Variants in GRIA4 observed in about 807,000 individuals in gnomAD.
GRIA4 encodes the protein glutamate ionotropic receptor AMPA type subunit 4, also known as glutamate receptor 4.
Under a neutral mutation model 104.0 loss-of-function variants are expected in GRIA4, and 34 were observed. The ratio of observed to expected loss-of-function variants is 0.33; its 90% CI spans 0.25 to 0.44. GRIA4 has a LOEUF of 0.44. Ranked by LOEUF, GRIA4 falls within the 20% of genes least tolerant of loss-of-function variation. The probability of loss-of-function intolerance (pLI) is 1.00; values close to 1 mark genes in which losing one functional copy is unlikely to be tolerated. For missense variants in GRIA4, 750 were observed against 1,096.5 expected (o/e 0.68, Z 4.46); for synonymous variants, 386 against 381.9 (o/e 1.01, Z -0.13).
intron 5 of GRIA4, among the ~76,000 whole-genome samples, chr11:105,875,326 A>T (rs590414): frequency 0.49 from 73,949 of 151,948 alleles, 17,990 homozygotes; most frequent in Admixed American, 0.52. Flanking sequence ...CAGTATTTTA[A>T]TGAGGATTTT....
rs374933402 is a variant in GRIA4, at chr11:105,787,407, CAG to C, written c.487+34188_487+34189del. 2.8e-4 allele frequency among the ~76,000 whole-genome samples: 41 copies of C among 148,852 alleles called. 1 individual carries two copies. The highest frequency in any genetic ancestry group is 1.6e-3 in the East Asian group (8 of 5,056). Reference sequence around the variant, plus strand: ...TCAGAGAATTTAAAGAAATCCAAGACAGGGGAAACATTTTGTAATCAACACAA... The same window carrying C: ...TCAGAGAATTTAAAGAAATCCAAGACGGGAAACATTTTGTAATCAACACAA... On this transcript the variant is annotated intron_variant, in intron 4 of 16. Coordinates refer to ENST00000282499, the MANE Select transcript of GRIA4 (RefSeq NM_000829.4).
chr11:105,731,068 ACTAT>A (rs1254889648), intron 3 of GRIA4, among the ~76,000 whole-genome samples: 2 of 152,230 alleles, frequency 1.3e-5, no homozygotes, highest in African/African-American at 4.8e-5. Flanking sequence ...AGCAAAAGAA[ACTAT>A]CATCAGAGTA....
intron 2 of GRIA4, among the ~76,000 whole-genome samples, 173 bp from the exon 3 acceptor site, chr11:105,612,103 G>T (rs1162417490): frequency 6.6e-6 from 1 of 152,104 alleles, no homozygotes; most frequent in Non-Finnish European, 1.5e-5. Flanking sequence ...CTGCTCTAAA[G>T]ACTAAATACT....
intron 15 of GRIA4, among the ~76,000 whole-genome samples, chr11:105,973,635 TA>T (rs1172618319): frequency 6.6e-6 from 1 of 152,160 alleles, no homozygotes; most frequent in East Asian, 1.9e-4. Context: ...AAAGTTATCT[TA>T]AAAAATTACT....
At chr11:105,829,575 C>T (rs1943898873) in intron 4 of GRIA4, among the ~76,000 whole-genome samples, 1 of 151,838 alleles carries the variant, frequency 6.6e-6, no homozygotes, top group Non-Finnish European at 1.5e-5. Flanking sequence ...TGATCAACTA[C>T]CCACAGAGAG....
intron 4 of GRIA4, among the ~76,000 whole-genome samples, chr11:105,860,613 A>G (rs1378342472): frequency 1.3e-5 from 2 of 152,188 alleles, no homozygotes; most frequent in Non-Finnish European, 2.9e-5. Context: ...TGTATGGGAT[A>G]TTTATAAATT....
At chr11:105,668,675 G>GTTTTTTTTTTTTTTT (rs368844903) in intron 3 of GRIA4, among the ~76,000 whole-genome samples, 5 of 121,450 alleles carry the variant, frequency 4.1e-5, no homozygotes, top group African/African-American at 9.1e-5. Flanking sequence ...ATTATCTTTT[G>GTTTTTTTTTTTTTTT]TCTTTTTTTT....
Position 105,615,742 on chromosome 11 carries a change from AC to A in GRIA4, c.247+3309del, listed in dbSNP as rs575580502. ...GCTAGTTTAATTGGATATGTCCATC[AC>A]AAAACATTTGAGATAACCCAAAAGC... On this transcript the variant is annotated intron_variant, in intron 3 of 16. Coordinates refer to ENST00000282499, the MANE Select transcript of GRIA4 (RefSeq NM_000829.4). Among the ~76,000 whole-genome samples, 6 of 151,924 alleles carry A rather than the reference AC, an allele frequency of 3.9e-5. No homozygotes were observed. In the South Asian group the frequency reaches 1.2e-3, roughly 31 times the overall value.
intron 3 of GRIA4, among the ~76,000 whole-genome samples, chr11:105,627,563 T>C (rs1384547516): frequency 6.6e-6 from 1 of 152,238 alleles, no homozygotes; most frequent in Non-Finnish European, 1.5e-5. Context: ...AGCCGTTTCC[T>C]AGACAAGGAA....
intron 4 of GRIA4, among the ~76,000 whole-genome samples, chr11:105,785,691 G>C (rs556794539): frequency 9.2e-5 from 14 of 152,170 alleles, no homozygotes; most frequent in African/African-American, 2.6e-4. Context: ...TTTGATATTG[G>C]ATAGACGACA....
chr11:105,950,722 C>G (rs1009830580), intron 14 of GRIA4, among the ~76,000 whole-genome samples: 1 of 152,088 alleles, frequency 6.6e-6, no homozygotes, highest in Non-Finnish European at 1.5e-5. Context: ...CAAGTTTTTT[C>G]TCAGCTCAAG....
In GRIA4 at chr11:105,884,592, T is replaced by C. The variant is rs192717956; in HGVS notation, c.673-2927T>C. 2.0e-5 allele frequency among the ~76,000 whole-genome samples: 3 copies of C among 152,318 alleles called. No homozygotes were observed. The East Asian group carries it at 5.8e-4, about 29-fold the overall frequency. On this transcript the variant is annotated intron_variant, in intron 5 of 16. Coordinates refer to ENST00000282499, the MANE Select transcript of GRIA4 (RefSeq NM_000829.4). The stretch of plus-strand genomic sequence containing the variant: ...GGCTCAGCAGAGATACTGATGCCTC[T>C]AGCATCACCAGCCAGGTAAATAAAT...
At chr11:105,805,478 G>GAAAAAAAAAAAAAAAAAAAAAAA (rs57123559) in intron 4 of GRIA4, among the ~76,000 whole-genome samples, 4 of 92,502 alleles carry the variant, frequency 4.3e-5, no homozygotes, top group African/African-American at 1.8e-4. Context: ...AAGAAATCAG[G>GAAAAAAAAAAAAAAAAAAAAAAA]AAAAAAAAAA....
chr11:105,716,862 T>C (rs1031670957), intron 3 of GRIA4, among the ~76,000 whole-genome samples: 7 of 152,114 alleles, frequency 4.6e-5, no homozygotes, highest in Non-Finnish European at 8.8e-5. Context: ...TATATTATAA[T>C]TTAAATTACC....
At chr11:105,937,057 A>G (rs1948063681) in intron 14 of GRIA4, among the ~76,000 whole-genome samples, 1 of 152,144 alleles carries the variant, frequency 6.6e-6, no homozygotes, top group South Asian at 2.1e-4. Context: ...GCACAGTACA[A>G]TTTATACTTC....
At chr11:105,929,928 T>G (rs1291324581) in intron 13 of GRIA4, among the ~76,000 whole-genome samples, 1 of 152,136 alleles carries the variant, frequency 6.6e-6, no homozygotes, top group Non-Finnish European at 1.5e-5. Flanking sequence ...GCTTTGAGTT[T>G]CACAATAAAG....
chr11:105,709,266 A>C (rs1953823773), intron 3 of GRIA4, among the ~76,000 whole-genome samples: 1 of 152,154 alleles, frequency 6.6e-6, no homozygotes, highest in Non-Finnish European at 1.5e-5. Context: ...CCAAATTGAT[A>C]TAAGTAAATA....
At chr11:105,957,509 T>G in intron 14 of GRIA4, among the ~76,000 whole-genome samples, 1 of 152,230 alleles carries the variant, frequency 6.6e-6, no homozygotes, top group Non-Finnish European at 1.5e-5. Context: ...TTTTGGTTAC[T>G]GTAGCCTTGT....
intron 4 of GRIA4, among the ~76,000 whole-genome samples, chr11:105,835,240 TTCA>T (rs1944133415): frequency 6.6e-6 from 1 of 152,030 alleles, no homozygotes; most frequent in Non-Finnish European, 1.5e-5. Flanking sequence ...AGAGATTTTC[TTCA>T]TCAGTTAAAA....
Sources: gnomAD v4.1 joint callset for allele counts (sites outside exome capture counted in the v4.1 genomes callset) on GRCh38, gnomAD v4.1.1 for gene constraint, MANE v1.5 for transcripts, NCBI Gene and HGNC (gene_info 2026-07-23, HGNC 2026-07-21) for gene names.